MKX: variants seen among roughly 807,000 people sequenced by gnomAD.
MKX encodes mohawk homeobox, also known as homeobox protein Mohawk.
In MKX, 13 loss-of-function variants were observed where a neutral mutation model predicts 36.0. The observed-to-expected ratio is 0.36, with a 90% CI of 0.24 to 0.57. The LOEUF (loss-of-function observed/expected upper bound fraction) is 0.57. MKX is among the 20% of genes least tolerant of loss of function. The pLI, the probability that MKX is intolerant of heterozygous loss-of-function variation, is 0.79. For synonymous variants in MKX, 176 were observed against 178.3 expected (o/e 0.99, Z 0.10); for missense variants, 458 against 456.4 (o/e 1.00, Z -0.03).
chr10:27,679,467 C>T (rs891277640), intron 5 of MKX, among the ~76,000 whole-genome samples: 3 of 152,158 alleles, frequency 2.0e-5, no homozygotes, highest in Admixed American at 1.3e-4. Context: ...TAGAAGGGCA[C>T]GCTTTTCCTG....
At chr10:27,675,735 G>C (rs1766912456) in intron 5 of MKX, among the ~76,000 whole-genome samples, 181 bp from the exon 6 acceptor site, 1 of 152,188 alleles carries the variant, frequency 6.6e-6, no homozygotes, top group Admixed American at 6.5e-5. Context: ...CAAAGGGGCA[G>C]AAGTAAGATG....
In MKX at chr10:27,744,093, C is replaced by A. The variant is rs1316140550; in HGVS notation, c.-82-596G>T. ...TGAAACCCCCGCATCTTCTGTCCGCCAAGGTCCCCCGGGGTGAGGTTGGGT... is the reference window on the plus strand; with the variant it reads ...TGAAACCCCCGCATCTTCTGTCCGCAAAGGTCCCCCGGGGTGAGGTTGGGT... On this transcript the variant is annotated intron_variant, in intron 1 of 6. Coordinates refer to ENST00000419761, the MANE Select transcript of MKX (RefSeq NM_173576.3). The surrounding 1 kb of genome is among the most constrained non-coding windows in gnomAD (Gnocchi z 5.6). Among the ~76,000 whole-genome samples the A allele has an allele frequency of 6.6e-6, 1 of 152,126 alleles. No individual in the cohort carries two copies. The highest frequency in any genetic ancestry group is 2.4e-5 in the African/African-American group (1 of 41,448).
chr10:27,692,348 A>C (rs1256525388), intron 5 of MKX, among the ~76,000 whole-genome samples: 1 of 152,222 alleles, frequency 6.6e-6, no homozygotes, highest in African/African-American at 2.4e-5. Context: ...TGACATATAA[A>C]TCTGGGAGAA....
At chr10:27,707,377 T>C (rs1358099483) in intron 5 of MKX, among the ~76,000 whole-genome samples, 11 of 152,146 alleles carry the variant, frequency 7.2e-5, no homozygotes, top group Non-Finnish European at 1.0e-4. Context: ...AAAAACGAAA[T>C]TGAAATATTT....
rs1359274242 is a variant in MKX, at chr10:27,673,278, A to AT, written c.*1950dup. 2 of 152,422 alleles carry AT rather than the reference A, an allele frequency of 1.3e-5. No homozygotes were observed. The highest frequency in any genetic ancestry group is 3.8e-4 in the East Asian group (2 of 5,196). The allele number at this position is 152,422 out of a possible 1,614,324, so 9.4% of individuals were successfully genotyped here. On this transcript the variant is annotated 3_prime_UTR_variant, in exon 7 of 7. Transcript: ENST00000419761. ...TTTATAACATAGAAGAAATTTGCTGATTTTTTTAAAAAGATGGCAAACATG... is the reference window on the plus strand; with the variant it reads ...TTTATAACATAGAAGAAATTTGCTGATTTTTTTTAAAAAGATGGCAAACATG...
At chr10:27,675,733 C>A (rs938117624) in intron 5 of MKX, among the ~76,000 whole-genome samples, 179 bp from the exon 6 acceptor site, 4 of 152,024 alleles carry the variant, frequency 2.6e-5, no homozygotes, top group African/African-American at 7.2e-5. Context: ...TGCAAAGGGG[C>A]AGAAGTAAGA....
chr10:27,677,152 C>G (rs1836167563), intron 5 of MKX, among the ~76,000 whole-genome samples: 1 of 152,152 alleles, frequency 6.6e-6, no homozygotes, highest in South Asian at 2.1e-4. Context: ...TCGTCATCAT[C>G]ATCCACAACA....
intron 3 of MKX, among the ~76,000 whole-genome samples, chr10:27,737,205 T>A (rs545653106): frequency 4.6e-5 from 7 of 152,312 alleles, no homozygotes; most frequent in Admixed American, 4.6e-4. Context: ...TTCAACTCAC[T>A]GCCAAAATCT....
Position 27,741,372 on chromosome 10 carries a change from G to A in MKX, c.321C>T (p.Ala107=). 1 of 1,613,390 alleles carries A rather than the reference G, an allele frequency of 6.2e-7. No homozygotes were observed. Among genetic ancestry groups the A allele is most frequent in the East Asian group, 2.2e-5 (1 of 44,830 alleles). ...YPTKTEKILL[A]LGSQMTLVQV... Reference sequence around the variant, plus strand: ...GCACTAGCGTCATCTGCGAGCCGAGGGCCAAGAGTATCTTCTCGGTCTTGG... The same window carrying A: ...GCACTAGCGTCATCTGCGAGCCGAGAGCCAAGAGTATCTTCTCGGTCTTGG... Residue 107 remains alanine, a synonymous_variant, in exon 3 of 7, where the codon GCC becomes GCT. Coordinates refer to ENST00000419761, the MANE Select transcript of MKX (RefSeq NM_173576.3). The surrounding 1 kb of genome is among the most constrained non-coding windows in gnomAD (Gnocchi z 5.1).
intron 5 of MKX, among the ~76,000 whole-genome samples, chr10:27,696,163 C>T (rs899160168): frequency 2.6e-5 from 4 of 152,056 alleles, no homozygotes; most frequent in East Asian, 1.9e-4. Flanking sequence ...TTGGGACCTC[C>T]GATATTGGGG....
At chr10:27,732,761 C>A (rs908046687) in intron 5 of MKX, among the ~76,000 whole-genome samples, 2 of 152,096 alleles carry the variant, frequency 1.3e-5, no homozygotes, top group African/African-American at 4.8e-5. Flanking sequence ...TCTTCATTTT[C>A]TTTTGCAACA....
intron 3 of MKX, 78 bp from the exon 4 acceptor site, chr10:27,735,452 A>G: frequency 8.1e-7 from 1 of 1,229,532 alleles, no homozygotes; most frequent in Non-Finnish European, 1.1e-6. Context: ...TAAAGGAGCT[A>G]AGCCTCTCTC....
rs1172618669 is a variant in MKX at position 27,741,797 on chromosome 10, T to G, written c.189-293A>C. 6.6e-6 allele frequency among the ~76,000 whole-genome samples: 1 copy of G among 152,202 alleles called. No individual in the cohort carries two copies. Among genetic ancestry groups the G allele is most frequent in the African/African-American group, 2.4e-5 (1 of 41,462 alleles). ...CAAGTGATTTGAAGAATACTGCTAT[T>G]CCAGTCGCGTATCTGGGCAGCGGGG... On this transcript the variant is annotated intron_variant, in intron 2 of 6. Coordinates refer to ENST00000419761, the MANE Select transcript of MKX (RefSeq NM_173576.3). The surrounding 1 kb of genome is among the most constrained non-coding windows in gnomAD (Gnocchi z 5.1).
intron 6 of MKX, 38 bp from the exon 7 acceptor site, chr10:27,675,453 C>T: frequency 6.2e-7 from 1 of 1,614,052 alleles, no homozygotes; most frequent in Non-Finnish European, 8.5e-7. Context: ...CGATCAAACT[C>T]ACTGCAGTTT....
intron 5 of MKX, among the ~76,000 whole-genome samples, chr10:27,706,718 A>G (rs1319356119): frequency 6.6e-6 from 1 of 152,114 alleles, no homozygotes; most frequent in African/African-American, 2.4e-5. Context: ...AAAAATGTCT[A>G]TTCAAGCCCT....
chr10:27,731,462 C>T (rs1202756743), intron 5 of MKX, among the ~76,000 whole-genome samples: 4 of 152,142 alleles, frequency 2.6e-5, no homozygotes, highest in Non-Finnish European at 4.4e-5. Flanking sequence ...GCAACACTGT[C>T]ACTCAATTCC....
At chr10:27,687,939 G>A (rs1308696090) in intron 5 of MKX, among the ~76,000 whole-genome samples, 1 of 152,218 alleles carries the variant, frequency 6.6e-6, no homozygotes, top group Non-Finnish European at 1.5e-5. Flanking sequence ...AGGCCGTGTA[G>A]TGTAATGGTC....
rs1554768913 is a variant in MKX at position 27,680,383 on chromosome 10, A to AAAG, written c.839-4830_839-4829insCTT. Among the ~76,000 whole-genome samples, 728 of 143,122 alleles carry AAAG rather than the reference A, an allele frequency of 5.1e-3. 22 individuals are homozygous for AAAG. Among genetic ancestry groups the AAAG allele is most frequent in the African/African-American group, 0.013 (498 of 38,872 alleles). 93.9% of individuals were successfully genotyped at this position (143,122 alleles called of 152,430 possible). The stretch of plus-strand genomic sequence containing the variant: ...GAAAAGAAAAGAAAAAAAAAAAAAA[A>AAAG]AGGTGTGTAGTTAGGAAAATCTTGG... On this transcript the variant is annotated intron_variant, in intron 5 of 6. Transcript: ENST00000419761.
At chr10:27,730,798 C>T (rs534222188) in intron 5 of MKX, among the ~76,000 whole-genome samples, 21 of 151,544 alleles carry the variant, frequency 1.4e-4, no homozygotes, top group Middle Eastern at 3.4e-3. Flanking sequence ...TAAAACTCAT[C>T]ACAAGACAGC....
Sources: allele counts gnomAD v4.1 joint callset (sites outside exome capture counted in the v4.1 genomes callset), GRCh38; gene constraint gnomAD v4.1.1; non-coding constraint Gnocchi (gnomAD v3.1); transcripts MANE v1.5; gene names NCBI Gene and HGNC (gene_info 2026-07-23, HGNC 2026-07-21).